Variants in UBP1 observed in about 807,000 individuals in gnomAD.
UBP1 encodes upstream-binding protein 1.
A neutral mutation model predicts 76.1 loss-of-function variants in UBP1; 22 were observed. The ratio of observed to expected loss-of-function variants is 0.29; its 90% CI spans 0.21 to 0.41. The LOEUF (loss-of-function observed/expected upper bound fraction) is 0.41. UBP1 is among the 10% of genes least tolerant of loss of function. The probability of loss-of-function intolerance (pLI) is 1.00; values close to 1 mark genes in which losing one functional copy is unlikely to be tolerated. For synonymous variants in UBP1, 224 were observed against 237.1 expected (o/e 0.94, Z 0.51); for missense variants, 436 against 668.1 (o/e 0.65, Z 3.83).
At chr3:33,426,265 A>G in intron 1 of UBP1, among the ~76,000 whole-genome samples, 1 of 151,964 alleles carries the variant, frequency 6.6e-6, no homozygotes, top group South Asian at 2.1e-4. Context: ...ATGAAGCTTC[A>G]TGCCTAATCT....
intron 5 of UBP1, among the ~76,000 whole-genome samples, chr3:33,411,145 G>C (rs959373087): frequency 6.6e-6 from 1 of 151,574 alleles, no homozygotes; most frequent in Non-Finnish European, 1.5e-5. Context: ...GCTAAAGCCA[G>C]GTGATGGTTA....
In UBP1 at chr3:33,425,586, T is replaced by G. The variant is rs1298648321; in HGVS notation, c.265+4A>C. 7.2e-6 allele frequency: 11 copies of G among 1,527,718 alleles called. No homozygotes were observed. The highest frequency in any genetic ancestry group is 9.8e-6 in the Non-Finnish European group (11 of 1,119,850). The allele number at this position is 1,527,718 out of a possible 1,614,324, so 94.6% of individuals were successfully genotyped here. A position where few individuals can be genotyped will look rare whatever the true frequency, so the allele number is the denominator to read the frequency against. On this transcript the variant is annotated splice_donor_region_variant and intron_variant, in intron 2 of 15. Transcript: ENST00000283629. ...CATGTCAAATGTGACATAACCACAC[T>G]AACCTTGGTTCAAATAAGTAAGCGT...
At chr3:33,410,232 C>T (rs556686239) in intron 5 of UBP1, among the ~76,000 whole-genome samples, 1 of 152,204 alleles carries the variant, frequency 6.6e-6, no homozygotes, top group Non-Finnish European at 1.5e-5. Flanking sequence ...CTAATACCCA[C>T]CCTGGATGAC....
chr3:33,414,278 AAG>A (rs1041096655), intron 3 of UBP1: 2 of 152,118 alleles, frequency 1.3e-5, no homozygotes, highest in African/African-American at 2.4e-5. Flanking sequence ...AAGAAAAAGA[AAG>A]AGAGGGAGGA....
rs1279022653 is a variant in UBP1 at position 33,388,718 on chromosome 3, G to GA, written c.*1612dup. ...AAAGCAAAGGGAAAAAGTCAGAAAG[G>GA]AAAACTCTCTGCCTATAGGATCTAT... On this transcript the variant is annotated 3_prime_UTR_variant, in exon 16 of 16. Transcript: ENST00000283629. 2 of 152,100 alleles carry GA rather than the reference G, an allele frequency of 1.3e-5. No homozygotes were observed. The highest frequency in any genetic ancestry group is 2.9e-5 in the Non-Finnish European group (2 of 68,010). The allele number at this position is 152,100 out of a possible 1,614,324, so 9.4% of individuals were successfully genotyped here.
At position 33,425,698 on chromosome 3, in the gene UBP1, G is replaced by A. The variant is rs749449633; in HGVS notation, c.157C>T (p.Leu53Phe). 6.3e-7 allele frequency: 1 copy of A among 1,599,116 alleles called. No individual in the cohort carries two copies. The highest frequency in any genetic ancestry group is 1.1e-5 in the South Asian group (1 of 89,890). ...TGCTCTGTTTCACCATCCAATGGAA[G>A]GCTGGAATCTTCCTGCTTGAAAATG... is the stretch of plus-strand genomic sequence containing the variant. ...LPIFKQEDSS[L>F]PLDGETEHPP... Residue 53 changes from leucine (L) to phenylalanine (F), a missense_variant, in exon 2 of 16, where the codon CTT becomes TTT. Coordinates refer to ENST00000283629, the MANE Select transcript of UBP1 (RefSeq NM_014517.5).
intron 1 of UBP1, among the ~76,000 whole-genome samples, chr3:33,438,981 T>TA (rs1323913146): frequency 1.3e-5 from 2 of 152,250 alleles, no homozygotes; most frequent in East Asian, 3.9e-4. Context: ...ATAAAGCCAC[T>TA]AAAAAAATAC....
chr3:33,396,339 A>G (rs2043994616), intron 12 of UBP1, 59 bp from the exon 13 acceptor site: 1 of 1,260,820 alleles, frequency 7.9e-7, no homozygotes, highest in Non-Finnish European at 1.1e-6. Context: ...ACACATGTAC[A>G]AATATGACAA....
chr3:33,411,384 A>G (rs893767877), intron 5 of UBP1, among the ~76,000 whole-genome samples, 197 bp downstream of exon 5: 1 of 152,236 alleles, frequency 6.6e-6, no homozygotes, highest in Non-Finnish European at 1.5e-5. Flanking sequence ...TGCTTTACAT[A>G]TCATAGAATG....
In UBP1 at chr3:33,412,848, A is replaced by G. The variant is rs759481363; in HGVS notation, c.343-21T>C. ...ATGCTCTGTGGAATAAGTGCGGAAA[A>G]TGAGTACTTTTAAACTGCTCCAGCT... is the stretch of plus-strand genomic sequence containing the variant. On this transcript the variant is annotated intron_variant, in intron 3 of 15. Coordinates refer to ENST00000283629, the MANE Select transcript of UBP1 (RefSeq NM_014517.5). The G allele has an allele frequency of 3.0e-5, 47 of 1,546,692 alleles. No individual in the cohort carries two copies. In the South Asian group the frequency reaches 3.5e-4, roughly 11 times the overall value.
rs531751496 is a variant in UBP1 at position 33,425,693 on chromosome 3, T to C, written c.162A>G (p.Pro54=). ...PIFKQEDSSL[P]LDGETEHPPF... ...GTGGGTGCTCTGTTTCACCATCCAA[T>C]GGAAGGCTGGAATCTTCCTGCTTGA... The change falls in exon 2 of 16, where the codon CCA becomes CCG. Residue 54 remains proline (P), a synonymous_variant. Transcript: ENST00000283629. The C allele has an allele frequency of 8.1e-6, 13 of 1,599,992 alleles. No homozygotes were observed. In the East Asian group the frequency reaches 2.5e-4, roughly 30 times the overall value.
chr3:33,410,884 C>CA (rs1191744691), intron 5 of UBP1, among the ~76,000 whole-genome samples: 1 of 151,866 alleles, frequency 6.6e-6, no homozygotes, highest in African/African-American at 2.4e-5. Flanking sequence ...CCAGTCTGGC[C>CA]AATATGGTGA....
chr3:33,423,577 G>C (rs1163699019), intron 2 of UBP1, among the ~76,000 whole-genome samples: 3 of 152,134 alleles, frequency 2.0e-5, no homozygotes, highest in Non-Finnish European at 4.4e-5. Flanking sequence ...AGGCACAAGG[G>C]AGCCTGCTGG....
At chr3:33,394,356 G>A (rs1470789544) in intron 13 of UBP1, among the ~76,000 whole-genome samples, 1 of 152,022 alleles carries the variant, frequency 6.6e-6, no homozygotes, top group Non-Finnish European at 1.5e-5. Flanking sequence ...AAGCATTATA[G>A]TTTTTGATCC....
chr3:33,420,538 G>A lies in UBP1; in HGVS notation c.266-3704C>T, dbSNP rs1001964056. On this transcript the variant is annotated intron_variant, in intron 2 of 15. Transcript: ENST00000283629. ...AGAGTCTCACACTGCCATCAGGCTG[G>A]AGTGCAGTGGCACAATCTTGGCTCA... Among the ~76,000 whole-genome samples the A allele has an allele frequency of 2.0e-5, 3 of 147,630 alleles. No individual in the cohort carries two copies. The Admixed American group carries it at 2.1e-4, about 11-fold the overall frequency.
chr3:33,427,509 T>C (rs762921169), intron 1 of UBP1, among the ~76,000 whole-genome samples: 1 of 152,212 alleles, frequency 6.6e-6, no homozygotes, highest in African/African-American at 2.4e-5. Flanking sequence ...TTGTCTGAAC[T>C]GCTTATTTTC....
chr3:33,434,175 T>C (rs1237538636), intron 1 of UBP1, among the ~76,000 whole-genome samples: 2 of 151,444 alleles, frequency 1.3e-5, no homozygotes, highest in African/African-American at 4.8e-5. Context: ...TTTTAAAAAC[T>C]GAACACAATA....
At chr3:33,403,927 A>T (rs1559675888) in intron 8 of UBP1, among the ~76,000 whole-genome samples, 1 of 152,164 alleles carries the variant, frequency 6.6e-6, no homozygotes, top group African/African-American at 2.4e-5. Context: ...GAAAGGCATC[A>T]CATCTAACTA....
chr3:33,396,796 A>C (rs2044013926), intron 12 of UBP1: 1 of 650,274 alleles, frequency 1.5e-6, no homozygotes, highest in Admixed American at 2.1e-5. Context: ...TCTTCAAGAA[A>C]TCAGTACTGC....
Sources: allele counts gnomAD v4.1 joint callset (sites outside exome capture counted in the v4.1 genomes callset), GRCh38; gene constraint gnomAD v4.1.1; transcripts MANE v1.5; gene names NCBI Gene and HGNC (gene_info 2026-07-23, HGNC 2026-07-21).